The following YIF1B variants were observed in gnomAD, a reference collection of about 807,000 sequenced individuals.
YIF1B encodes Yip1 interacting factor homolog B, membrane trafficking protein.
Under a neutral mutation model 34.6 loss-of-function variants are expected in YIF1B, and 24 were observed. The ratio of observed to expected loss-of-function variants is 0.69; its 90% CI spans 0.50 to 0.98. YIF1B has a LOEUF of 0.98. Ranked by LOEUF, YIF1B falls within the 50% of genes least tolerant of loss-of-function variation. The probability of loss-of-function intolerance (pLI) is 0.00; values close to 1 mark genes in which losing one functional copy is unlikely to be tolerated. For synonymous variants in YIF1B, 186 were observed against 184.8 expected, an observed-to-expected ratio of 1.01 and a Z score of -0.05; for missense variants, 368 against 429.4, an observed-to-expected ratio of 0.86 and a Z score of 1.26.
At chr19:38,313,294 T>C (rs1293004402) in intron 1 of YIF1B, among the ~76,000 whole-genome samples, 13 of 139,580 alleles carry the variant, frequency 9.3e-5, no homozygotes, top group Non-Finnish European at 1.7e-4. Flanking sequence ...GGAGTCTCAC[T>C]GTCACCCAGG....
At chr19:38,315,829 G>A (rs1256676709) in intron 1 of YIF1B, 31 bp downstream of exon 1, 3 of 1,182,192 alleles carry the variant, frequency 2.5e-6, no homozygotes, top group Admixed American at 2.6e-5. Flanking sequence ...CCACGCCCCC[G>A]CCCGCCCGAT....
chr19:38,304,517 A>G lies in YIF1B; in HGVS notation c.*835T>C, dbSNP rs1380460238. ...TAAGTCGCCTCATCACCGGCTGCGG[A>G]GGGGCGGGAAGGCTGGGGTTGCCCC... On this transcript the variant is annotated 3_prime_UTR_variant, in exon 8 of 8. Coordinates refer to ENST00000339413, the MANE Select transcript of YIF1B (RefSeq NM_001039672.3). 1.5e-5 allele frequency: 23 copies of G among 1,563,306 alleles called. No individual in the cohort carries two copies. Among genetic ancestry groups the G allele is most frequent in the Admixed American group, 1.9e-5 (1 of 51,718 alleles).
rs769880056 is a variant in YIF1B at position 38,309,055 on chromosome 19, G to A, written c.405C>T (p.Asp135=). The change falls in exon 4 of 8, where the codon GAC becomes GAT. Residue 135 remains aspartate, a splice_region_variant and synonymous_variant. Coordinates refer to ENST00000339413, the MANE Select transcript of YIF1B (RefSeq NM_001039672.3). ...GLLFFPYLHQ[D]WEVQYQQDTP... ...TGTCCTGTTGGTACTGCACTTCCCA[G>A]TCCTGCGGGGATGGGGAGACGGGCA... 1.9e-6 allele frequency: 3 copies of A among 1,552,252 alleles called. No homozygotes were observed. Among genetic ancestry groups the A allele is most frequent in the African/African-American group, 2.7e-5 (2 of 73,574 alleles).
In YIF1B at chr19:38,309,604, G is replaced by A. The variant is rs775667729; in HGVS notation, c.98C>T (p.Ala33Val). 1.3e-6 allele frequency: 2 copies of A among 1,598,328 alleles called. No homozygotes were observed. Among genetic ancestry groups the A allele is most frequent in the Non-Finnish European group, 8.5e-7 (1 of 1,173,140 alleles). The stretch of plus-strand genomic sequence containing the variant: ...GTCATCGAAAAGCTGGTGGGGGTCG[G>A]CCATGCCCGGCTGGGACACAGGGAT... ...RRIPVSQPGM[A>V]DPHQLFDDTS... Residue 33 changes from alanine to valine, a missense_variant, in exon 2 of 8, where the codon GCC becomes GTC. Physicochemically the swap from Ala to Val is moderately conservative, Grantham distance 64. Transcript: ENST00000339413.
upstream of YIF1B, among the ~76,000 whole-genome samples, chr19:38,318,346 C>T (rs1226161758): frequency 4.6e-5 from 7 of 151,700 alleles, no homozygotes; most frequent in East Asian, 1.9e-4. Context: ...TGCAGTGGTG[C>T]GACCATAACT....
rs978286867 is a variant in YIF1B, at chr19:38,315,507, C to T, written c.58+353G>A. 64 of 1,404,110 alleles carry T rather than the reference C, an allele frequency of 4.6e-5. No homozygotes were observed. The African/African-American group carries it at 7.7e-4, about 17-fold the overall frequency. 87.0% of individuals were successfully genotyped at this position (1,404,110 alleles called of 1,614,324 possible). ...TGAGCGGTAGGCATGGCCCTCTGCG[C>T]TCCCGGGGGGCCACGAAGCTGTCCT... On this transcript the variant is annotated intron_variant, in intron 1 of 7. Coordinates refer to ENST00000339413, the MANE Select transcript of YIF1B (RefSeq NM_001039672.3).
chr19:38,310,011 C>G (rs1345154632), intron 1 of YIF1B: 7 of 325,652 alleles, frequency 2.1e-5, no homozygotes, highest in Non-Finnish European at 3.8e-5. Flanking sequence ...CATCCACCCA[C>G]CCATCTAGCC....
At position 38,309,030 on chromosome 19, in the gene YIF1B, T is replaced by C; in HGVS notation, c.430A>G (p.Thr144Ala). The C allele has an allele frequency of 6.4e-7, 1 of 1,559,638 alleles. No individual in the cohort carries two copies. The highest frequency in any genetic ancestry group is 8.7e-7 in the Non-Finnish European group (1 of 1,151,194). ...ACGTCAAAGCGGGGGGCCACCGGGG[T>C]GTCCTGTTGGTACTGCACTTCCCAG... ...QDWEVQYQQDTPVAPRFDVNA... is the reference protein window; with the variant it reads ...QDWEVQYQQDAPVAPRFDVNA... Residue 144 changes from threonine (T) to alanine (A), a missense_variant, in exon 4 of 8, where the codon ACC (threonine) becomes GCC (alanine). Around this residue, in one of 3 missense-constraint regions of YIF1B, gnomAD observed 208 missense variants for 247.8 expected, o/e 0.84. Transcript: ENST00000339413.
upstream of YIF1B, chr19:38,316,099 T>A (rs1055966759): frequency 1.3e-5 from 12 of 934,054 alleles, no homozygotes; most frequent in Admixed American, 1.7e-4. Flanking sequence ...GTGCCTTACG[T>A]AAGAGGCGGA....
intron 1 of YIF1B, 199 bp downstream of exon 1, chr19:38,315,661 A>G (rs1969516539): frequency 3.8e-6 from 6 of 1,583,386 alleles, no homozygotes; most frequent in Admixed American, 1.8e-5. Context: ...TCCAGTCCCA[A>G]GTTGTTTTCT....
intron 7 of YIF1B, among the ~76,000 whole-genome samples, chr19:38,306,391 T>C (rs987165697): frequency 2.0e-5 from 3 of 151,880 alleles, no homozygotes; most frequent in African/African-American, 7.3e-5. Context: ...TTTATATTTT[T>C]TTAGAGATGG....
chr19:38,307,161 GA>G, intron 7 of YIF1B: 1 of 531,676 alleles, frequency 1.9e-6, no homozygotes, highest in South Asian at 2.0e-5. Context: ...AAGGAGAGTG[GA>G]ATGAGAGTGA....
rs1968966447 is a variant in YIF1B at position 38,305,417 on chromosome 19, TCAGGTACATGCG to T, written c.868_879del (p.Arg290_Leu293del). 1.2e-6 allele frequency: 2 copies of T among 1,610,864 alleles called. No individual in the cohort carries two copies. The highest frequency in any genetic ancestry group is 1.7e-6 in the Non-Finnish European group (2 of 1,178,612). On this transcript the variant is annotated inframe_deletion, in exon 8 of 8. Coordinates refer to ENST00000339413, the MANE Select transcript of YIF1B (RefSeq NM_001039672.3). ...GGCTGCGCCGCCGCCACCGCCATGG[TCAGGTACATGCG>T]CAGCTGGTTCCGGGCCCCACGCACC...
rs915825448 is a variant in YIF1B at position 38,305,014 on chromosome 19, G to A, written c.*338C>T. On this transcript the variant is annotated 3_prime_UTR_variant, in exon 8 of 8. Transcript: ENST00000339413. ...ACCTTCCTCTCTGCCTTCTGCGACT[G>A]GTCAGCGTGGTGCCTACTCTGGCCC... 1.3e-6 allele frequency: 2 copies of A among 1,555,328 alleles called. No homozygotes were observed. Among genetic ancestry groups the A allele is most frequent in the Non-Finnish European group, 1.7e-6 (2 of 1,149,492 alleles).
rs117254534 is a variant in YIF1B at position 38,309,145 on chromosome 19, G to A, written c.402+79C>T. On this transcript the variant is annotated intron_variant, in intron 3 of 7. Coordinates refer to ENST00000339413, the MANE Select transcript of YIF1B (RefSeq NM_001039672.3). ...CCTCCTCCCTCGAGGCGAATCTCCC[G>A]GCTCCACCATGCACCTGCCCCCACC... 11,852 of 1,575,212 alleles carry A rather than the reference G, an allele frequency of 7.5e-3. 80 individuals are homozygous for A. Among genetic ancestry groups the A allele is most frequent in the Non-Finnish European group, 7.8e-3 (9,046 of 1,157,310 alleles).
At chr19:38,307,892 C>A in intron 5 of YIF1B, 140 bp from the exon 6 acceptor site, 1 of 1,176,752 alleles carries the variant, frequency 8.5e-7, no homozygotes, top group Non-Finnish European at 1.2e-6. Flanking sequence ...CCTATTCCCA[C>A]GGAAATCCCA....
upstream of YIF1B, among the ~76,000 whole-genome samples, chr19:38,318,819 A>G (rs369371525): frequency 1.9e-4 from 29 of 152,156 alleles, no homozygotes; most frequent in East Asian, 4.2e-3. Context: ...TGCCCTCCAA[A>G]AGGCTGTCAG....
At chr19:38,320,338 G>A (rs1309065991), upstream of YIF1B, 2 of 1,551,394 alleles carry the variant, frequency 1.3e-6, no homozygotes, top group African/African-American at 2.7e-5. Flanking sequence ...TAACCCCTGG[G>A]GACCCCGGGG....
At chr19:38,315,994 G>T (rs895883399), upstream of YIF1B, 1 of 1,364,268 alleles carries the variant, frequency 7.3e-7, no homozygotes, top group African/African-American at 1.5e-5. Context: ...CCGGCGAAGA[G>T]ACAGCCAATG....
Sources: gnomAD v4.1 joint callset for allele counts (sites outside exome capture counted in the v4.1 genomes callset) on GRCh38, gnomAD v4.1.1 for gene constraint, gnomAD v4.1.1 regional missense constraint, MANE v1.5 for transcripts, NCBI Gene and HGNC (gene_info 2026-07-23, HGNC 2026-07-21) for gene names.